Variants in CORO2B observed in about 807,000 individuals in gnomAD.
CORO2B encodes the protein coronin-2B.
A neutral mutation model predicts 58.8 loss-of-function variants in CORO2B; 26 were observed. That is an observed-to-expected ratio of 0.44 (90% CI 0.32 to 0.61). CORO2B has a LOEUF of 0.61. CORO2B is among the 20% of genes least tolerant of loss of function. The pLI is 0.04. For missense variants in CORO2B, 460 were observed against 645.1 expected, an observed-to-expected ratio of 0.71 and a Z score of 3.11; for synonymous variants, 242 against 253.8, an observed-to-expected ratio of 0.95 and a Z score of 0.44.
At chr15:68,635,118 C>G (rs141670338) in intron 1 of CORO2B, among the ~76,000 whole-genome samples, 1 of 152,146 alleles carries the variant, frequency 6.6e-6, no homozygotes, top group African/African-American at 2.4e-5. Flanking sequence ...CCCCAGAGCT[C>G]GAGCTTGCAG....
chr15:68,597,627 C>CA (rs139544672), intron 1 of CORO2B, among the ~76,000 whole-genome samples: 12,279 of 142,298 alleles, frequency 0.086, 590 homozygotes, highest in African/African-American at 0.14. Context: ...TCCCCCCCAT[C>CA]AAAAAAAAAA....
In CORO2B at chr15:68,711,682, G is replaced by A; in HGVS notation, c.624G>A (p.Glu208=). The A allele has an allele frequency of 2.5e-6, 4 of 1,614,064 alleles. No individual in the cohort carries two copies. The highest frequency in any genetic ancestry group is 2.5e-6 in the Non-Finnish European group (3 of 1,179,972). The stretch of plus-strand genomic sequence containing the variant: ...AGGACAAGAAGCTGCGTGTGATTGA[G>A]CCCCGCTCTGGCCGTGTTCTGCAGG... ...TCKDKKLRVI[E]PRSGRVLQEA... The change falls in exon 5 of 12, where the codon GAG becomes GAA. Residue 208 remains glutamate, a synonymous_variant. Transcript: ENST00000261861.
At chr15:68,683,830 G>A (rs79602498) in intron 2 of CORO2B, among the ~76,000 whole-genome samples, 6,013 of 152,300 alleles carry the variant, frequency 0.039, 248 homozygotes, top group African/African-American at 0.1. Context: ...GGAACCAAAG[G>A]TCCCTCAGTG....
the CORO2B span, among the ~76,000 whole-genome samples, chr15:68,551,013 C>T: frequency 6.6e-6 from 1 of 152,024 alleles, no homozygotes; most frequent in South Asian, 2.1e-4. Context: ...GTTGGGATGA[C>T]CAGCTTTTCG....
chr15:68,682,946 G>A (rs1902837630), intron 2 of CORO2B, among the ~76,000 whole-genome samples: 1 of 152,202 alleles, frequency 6.6e-6, no homozygotes, highest in African/African-American at 2.4e-5. Flanking sequence ...TGGTGGGAGA[G>A]TCCTCTTTTC....
At chr15:68,681,499 A>G (rs1035990344) in intron 2 of CORO2B, among the ~76,000 whole-genome samples, 7 of 152,160 alleles carry the variant, frequency 4.6e-5, no homozygotes, top group African/African-American at 1.4e-4. Flanking sequence ...GAAGTCTGGG[A>G]AAAGGTGGTC....
intron 8 of CORO2B, among the ~76,000 whole-genome samples, chr15:68,716,283 A>G (rs1340099823): frequency 6.6e-6 from 1 of 152,236 alleles, no homozygotes; most frequent in Non-Finnish European, 1.5e-5. Context: ...TCAGCTGTGC[A>G]CTTAATCCCT....
intron 5 of CORO2B, among the ~76,000 whole-genome samples, chr15:68,713,688 C>T (rs2140329296): frequency 6.6e-6 from 1 of 152,292 alleles, no homozygotes; most frequent in Non-Finnish European, 1.5e-5. Flanking sequence ...GTAATCTTAC[C>T]TCTCTCCCAC....
intron 1 of CORO2B, among the ~76,000 whole-genome samples, chr15:68,592,595 A>T (rs932520264): frequency 3.3e-5 from 5 of 152,348 alleles, no homozygotes; most frequent in Admixed American, 6.5e-5. Flanking sequence ...TAAATAAATG[A>T]AAAAAGATTC....
At chr15:68,585,027 C>A (rs1220442137) in intron 1 of CORO2B, among the ~76,000 whole-genome samples, 1 of 152,212 alleles carries the variant, frequency 6.6e-6, no homozygotes, top group Non-Finnish European at 1.5e-5. Context: ...TTTGCCCCCG[C>A]AGAGGCCCCT....
chr15:68,708,356 T>TC (rs1491478167), intron 3 of CORO2B, among the ~76,000 whole-genome samples: 2 of 143,820 alleles, frequency 1.4e-5, no homozygotes, highest in Non-Finnish European at 3.1e-5. Flanking sequence ...CTTTTTTTCT[T>TC]CTTTTTTTTT....
intron 1 of CORO2B, among the ~76,000 whole-genome samples, chr15:68,593,934 G>T (rs1020070939): frequency 2.0e-5 from 3 of 152,120 alleles, no homozygotes; most frequent in Admixed American, 2.0e-4. Context: ...ATTTAAGAAG[G>T]GGAAGGGCTC....
In CORO2B at chr15:68,617,945, T is replaced by G. The variant is rs185364781; in HGVS notation, c.16-27215T>G. Among the ~76,000 whole-genome samples the G allele has an allele frequency of 7.9e-5, 12 of 152,316 alleles. No individual in the cohort carries two copies. The East Asian group carries it at 1.9e-3, about 24-fold the overall frequency. On this transcript the variant is annotated intron_variant, in intron 1 of 11. Coordinates refer to ENST00000261861, the MANE Select transcript of CORO2B (RefSeq NM_006091.5). ...CATTCTGGATTACTAGATTTTTCAA[T>G]TCACTTCAGTAAATATTTATTGAGC... is the stretch of plus-strand genomic sequence containing the variant.
At position 68,725,995 on chromosome 15, in the gene CORO2B, C is replaced by G. The variant is rs1893289367; in HGVS notation, c.*21C>G. The G allele has an allele frequency of 1.2e-6, 2 of 1,611,294 alleles. No individual in the cohort carries two copies. The highest frequency in any genetic ancestry group is 2.7e-5 in the African/African-American group (2 of 74,918). ...GTTAGCTCCCCAGCTGGGCTGTTTT[C>G]TAAGCCGATCTCTCCGTCGTTTCTA... On this transcript the variant is annotated 3_prime_UTR_variant, in exon 12 of 12. Coordinates refer to ENST00000261861, the MANE Select transcript of CORO2B (RefSeq NM_006091.5).
At chr15:68,634,670 G>A (rs1900970380) in intron 1 of CORO2B, among the ~76,000 whole-genome samples, 1 of 152,090 alleles carries the variant, frequency 6.6e-6, no homozygotes, top group Non-Finnish European at 1.5e-5. Context: ...CCCCACCCTC[G>A]ACTTCCTGAA....
chr15:68,607,256 T>C (rs1299464137), intron 1 of CORO2B, among the ~76,000 whole-genome samples: 4 of 152,210 alleles, frequency 2.6e-5, no homozygotes, highest in Admixed American at 2.6e-4. Context: ...TGGACTGGGA[T>C]GACTTGAAGG....
At chr15:68,651,395 T>C (rs1005644163) in intron 2 of CORO2B, among the ~76,000 whole-genome samples, 3 of 152,188 alleles carry the variant, frequency 2.0e-5, no homozygotes, top group African/African-American at 4.8e-5. Context: ...GGAGATGTTG[T>C]TCCACACTAG....
intron 1 of CORO2B, among the ~76,000 whole-genome samples, chr15:68,581,193 C>T (rs1899416764): frequency 6.6e-6 from 1 of 152,176 alleles, no homozygotes; most frequent in African/African-American, 2.4e-5. Context: ...TATCCAGTAA[C>T]TATTCAACAC....
chr15:68,666,291 G>A (rs373773728), intron 2 of CORO2B, among the ~76,000 whole-genome samples: 64 of 152,322 alleles, frequency 4.2e-4, no homozygotes, highest in African/African-American at 1.5e-3. Context: ...AATACTGAAA[G>A]TGAGGCCCCA....
Sources: allele counts gnomAD v4.1 joint callset (sites outside exome capture counted in the v4.1 genomes callset), GRCh38; gene constraint gnomAD v4.1.1; transcripts MANE v1.5; gene names NCBI Gene and HGNC (gene_info 2026-07-23, HGNC 2026-07-21).